The following FGF10 variants were observed in gnomAD, a reference collection of about 807,000 sequenced individuals.
FGF10 encodes fibroblast growth factor 10, also known as FGF-10.
A neutral mutation model predicts 19.8 loss-of-function variants in FGF10; 2 were observed. The observed-to-expected ratio is 0.10, with a 90% CI of 0.04 to 0.32. FGF10 has a LOEUF of 0.32. FGF10 is among the 10% of genes least tolerant of loss of function. FGF10 has a pLI of 1.00. For missense variants in FGF10, 191 were observed against 246.3 expected, an observed-to-expected ratio of 0.78 and a Z score of 1.50; for synonymous variants, 112 against 94.0, an observed-to-expected ratio of 1.19 and a Z score of -1.10.
At chr5:44,386,485 T>G (rs1417124607) in intron 1 of FGF10, among the ~76,000 whole-genome samples, 2 of 152,190 alleles carry the variant, frequency 1.3e-5, no homozygotes, top group Admixed American at 6.5e-5. Flanking sequence ...AATGTTTGGA[T>G]AGCTTCTTCC....
At chr5:44,322,017 C>G (rs1321532491) in intron 1 of FGF10, among the ~76,000 whole-genome samples, 2 of 152,162 alleles carry the variant, frequency 1.3e-5, no homozygotes, top group Non-Finnish European at 2.9e-5. Context: ...CCCGCCTTAG[C>G]CTCCCAAAGT....
intron 1 of FGF10, among the ~76,000 whole-genome samples, chr5:44,366,572 A>G (rs1741618913): frequency 6.6e-6 from 1 of 151,960 alleles, no homozygotes; most frequent in African/African-American, 2.4e-5. Context: ...TAAACAGGAG[A>G]GATTAACAAG....
At chr5:44,348,974 GA>G (rs2111813828) in intron 1 of FGF10, among the ~76,000 whole-genome samples, 1 of 151,590 alleles carries the variant, frequency 6.6e-6, no homozygotes, top group Non-Finnish European at 1.5e-5. Context: ...GTTGCATGGT[GA>G]ACCAGGGTTT....
intron 1 of FGF10, among the ~76,000 whole-genome samples, chr5:44,314,899 G>A (rs141670462): frequency 1.3e-5 from 2 of 152,132 alleles, no homozygotes; most frequent in African/African-American, 4.8e-5. Context: ...AAAGTATATG[G>A]CAAATAAAAC....
At chr5:44,346,684 A>G (rs539953038) in intron 1 of FGF10, among the ~76,000 whole-genome samples, 15 of 151,998 alleles carry the variant, frequency 9.9e-5, no homozygotes, top group African/African-American at 3.1e-4. Context: ...TCGCCTCATA[A>G]GTAAATAATC....
chr5:44,319,992 T>C lies in FGF10; in HGVS notation c.326-9462A>G, dbSNP rs907457425. On this transcript the variant is annotated intron_variant, in intron 1 of 2. Coordinates refer to ENST00000264664, the MANE Select transcript of FGF10 (RefSeq NM_004465.2). ...CTGCCCATCAGTCGTTACTGCCTGA[T>C]CTCTGCCTCCCATCAGATCAGCAGC... is the stretch of plus-strand genomic sequence containing the variant. Among the ~76,000 whole-genome samples, 5 of 152,256 alleles carry C rather than the reference T, an allele frequency of 3.3e-5. No individual in the cohort carries two copies. The South Asian group carries it at 1.0e-3, about 32-fold the overall frequency.
rs1741655080 is a variant in FGF10, at chr5:44,367,860, GTCTA to G, written c.325+20494_325+20497del. On this transcript the variant is annotated intron_variant, in intron 1 of 2. Coordinates refer to ENST00000264664, the MANE Select transcript of FGF10 (RefSeq NM_004465.2). ...TGTATGCTGTTTTTTTTTTTTTTAAGTCTATCTGTTTTTTAAATGTAATGTGCTA... is the reference window on the plus strand; with the variant it reads ...TGTATGCTGTTTTTTTTTTTTTTAAGTCTGTTTTTTAAATGTAATGTGCTA... Among the ~76,000 whole-genome samples, 11 of 144,334 alleles carry G rather than the reference GTCTA, an allele frequency of 7.6e-5. 1 individual carries two copies. Among genetic ancestry groups the G allele is most frequent in the African/African-American group, 2.3e-4 (9 of 39,050 alleles). The allele number at this position is 144,334 out of a possible 152,430, so 94.7% of individuals were successfully genotyped here.
intron 1 of FGF10, among the ~76,000 whole-genome samples, chr5:44,374,530 G>A (rs1741811914): frequency 6.6e-6 from 1 of 152,090 alleles, no homozygotes; most frequent in African/African-American, 2.4e-5. Context: ...TAATAATAAT[G>A]TAGTTCAATA....
rs1373111388 is a variant in FGF10, at chr5:44,304,901, CTTT to C, written c.*91_*93del. The C allele has an allele frequency of 4.6e-6, 6 of 1,296,312 alleles. No individual in the cohort carries two copies. The highest frequency in any genetic ancestry group is 6.7e-6 in the Non-Finnish European group (6 of 892,656). The allele number at this position is 1,296,312 out of a possible 1,614,324, so 80.3% of individuals were successfully genotyped here. On this transcript the variant is annotated 3_prime_UTR_variant, in exon 3 of 3. Transcript: ENST00000264664. ...AAGCAAGCAGACATCTGCAACGTGT[CTTT>C]GCCTTTCAATCTACTGTCTTCATGA...
intron 1 of FGF10, among the ~76,000 whole-genome samples, chr5:44,354,591 T>C (rs1157749845): frequency 6.6e-6 from 1 of 151,494 alleles, no homozygotes; most frequent in Admixed American, 6.6e-5. Flanking sequence ...GTAAACTTTC[T>C]ATCCTGCTCA....
At chr5:44,336,804 T>G (rs1011174083) in intron 1 of FGF10, among the ~76,000 whole-genome samples, 1 of 152,164 alleles carries the variant, frequency 6.6e-6, no homozygotes, top group African/African-American at 2.4e-5. Context: ...ATTAATCTCC[T>G]TGTTTTGCAT....
intron 2 of FGF10, 46 bp downstream of exon 2, chr5:44,310,381 T>C: frequency 7.5e-7 from 1 of 1,328,670 alleles, no homozygotes; most frequent in Non-Finnish European, 1.1e-6. Flanking sequence ...AAAACTATGG[T>C]AATGGTTTAC....
intron 1 of FGF10, among the ~76,000 whole-genome samples, chr5:44,333,023 G>T (rs1189567564): frequency 1.3e-5 from 2 of 152,022 alleles, no homozygotes; most frequent in Non-Finnish European, 2.9e-5. Flanking sequence ...TAATAGGACA[G>T]TATATGCATT....
intron 1 of FGF10, among the ~76,000 whole-genome samples, chr5:44,324,676 T>G (rs1740571612): frequency 6.6e-6 from 1 of 152,098 alleles, no homozygotes. Context: ...TAATAATGCA[T>G]GATGATTAAA....
chr5:44,369,768 T>A (rs1471807310), intron 1 of FGF10, among the ~76,000 whole-genome samples: 1 of 152,140 alleles, frequency 6.6e-6, no homozygotes, highest in Non-Finnish European at 1.5e-5. Context: ...TAACTTACTT[T>A]AAAAATTACC....
chr5:44,364,809 C>A (rs575521542), intron 1 of FGF10, among the ~76,000 whole-genome samples: 1 of 151,844 alleles, frequency 6.6e-6, no homozygotes, highest in East Asian at 1.9e-4. Flanking sequence ...CAGTGTGAAT[C>A]CTTTGAGTTT....
At chr5:44,327,556 T>G (rs1014075239) in intron 1 of FGF10, among the ~76,000 whole-genome samples, 1 of 152,154 alleles carries the variant, frequency 6.6e-6, no homozygotes, top group African/African-American at 2.4e-5. Flanking sequence ...GTTAAGGTAA[T>G]AAGGTCCACT....
intron 1 of FGF10, among the ~76,000 whole-genome samples, chr5:44,361,181 ACAAT>A (rs1346258494): frequency 6.6e-6 from 1 of 151,698 alleles, no homozygotes; most frequent in African/African-American, 2.4e-5. Flanking sequence ...TGGAATGATG[ACAAT>A]CAGAGGGTTT....
chr5:44,319,987 C>A (rs924677615), intron 1 of FGF10, among the ~76,000 whole-genome samples: 4 of 152,224 alleles, frequency 2.6e-5, no homozygotes, highest in South Asian at 2.1e-4. Context: ...GTCGTTACTG[C>A]CTGATCTCTG....
Sources: gnomAD v4.1 joint callset for allele counts (sites outside exome capture counted in the v4.1 genomes callset) on GRCh38, gnomAD v4.1.1 for gene constraint, MANE v1.5 for transcripts, NCBI Gene and HGNC (gene_info 2026-07-23, HGNC 2026-07-21) for gene names.